Variants in LRP1B observed in about 807,000 individuals in gnomAD.
The protein encoded by LRP1B is low-density lipoprotein receptor-related protein 1B.
Under a neutral mutation model 556.6 loss-of-function variants are expected in LRP1B, and 217 were observed. The ratio of observed to expected loss-of-function variants is 0.39; its 90% CI spans 0.35 to 0.44. The LOEUF (loss-of-function observed/expected upper bound fraction) is 0.44, where lower values mean the gene tolerates loss of function less well. LRP1B is among the 20% of genes least tolerant of loss of function. The pLI is 1.00. For synonymous variants in LRP1B, 2,047 were observed against 1,865.8 expected, an observed-to-expected ratio of 1.10 and a Z score of -2.50; for missense variants, 5,053 against 5,620.8, an observed-to-expected ratio of 0.90 and a Z score of 3.23.
chr2:142,061,033 G>A (rs1292152036), intron 1 of LRP1B, among the ~76,000 whole-genome samples: 1 of 151,866 alleles, frequency 6.6e-6, no homozygotes, highest in Non-Finnish European at 1.5e-5. Flanking sequence ...TGAAAGCAGG[G>A]CTACTATCAA....
chr2:140,766,833 ATATATATATAT>A (rs1261533394), intron 35 of LRP1B, among the ~76,000 whole-genome samples: 1,108 of 31,692 alleles, frequency 0.035, 23 homozygotes, highest in East Asian at 0.097. Context: ...ATATATATAT[ATATATATATAT>A]TATATATATA....
intron 1 of LRP1B, among the ~76,000 whole-genome samples, chr2:141,828,976 G>A (rs547851027): frequency 1.3e-5 from 2 of 152,112 alleles, no homozygotes; most frequent in East Asian, 3.9e-4. Flanking sequence ...CCTTCCAGTT[G>A]CCTAACTGGG....
At chr2:141,345,279 A>G (rs1002673437) in intron 3 of LRP1B, among the ~76,000 whole-genome samples, 24 of 152,174 alleles carry the variant, frequency 1.6e-4, no homozygotes, top group African/African-American at 5.3e-4. Flanking sequence ...CAGAAATCCA[A>G]CTTCCATAAT....
chr2:141,273,331 G>A (rs1290253749), intron 3 of LRP1B, among the ~76,000 whole-genome samples: 6 of 151,322 alleles, frequency 4.0e-5, no homozygotes, highest in African/African-American at 2.4e-5. Context: ...GAAGAAAAAC[G>A]TACTACAAAT....
At chr2:140,706,110 T>C (rs370841717) in intron 37 of LRP1B, among the ~76,000 whole-genome samples, 6 of 152,090 alleles carry the variant, frequency 3.9e-5, no homozygotes, top group African/African-American at 1.4e-4. Context: ...TTAATGAACA[T>C]AGATTCTTGG....
At chr2:141,315,968 A>G (rs1352155498) in intron 3 of LRP1B, among the ~76,000 whole-genome samples, 1 of 73,084 alleles carries the variant, frequency 1.4e-5, no homozygotes, top group Non-Finnish European at 2.6e-5. Context: ...ATTTTTTTCT[A>G]TTTGTGACCA....
intron 66 of LRP1B, among the ~76,000 whole-genome samples, chr2:140,420,669 G>A (rs2105265027): frequency 6.6e-6 from 1 of 152,260 alleles, no homozygotes; most frequent in Admixed American, 6.5e-5. Context: ...ATACTTCTTA[G>A]CCATATAAAA....
In LRP1B at chr2:141,072,561, A is replaced by T. The variant is rs1180864972; in HGVS notation, c.1014-10288T>A. 2.0e-5 allele frequency among the ~76,000 whole-genome samples: 3 copies of T among 151,860 alleles called. No individual in the cohort carries two copies. In the East Asian group the frequency reaches 5.8e-4, roughly 30 times the overall value. ...TACCTGTCTTCCCAACCACACACAG[A>T]ATCTCACTCTTCCACTTGACTGTCT... On this transcript the variant is annotated intron_variant, in intron 7 of 90. Transcript: ENST00000389484.
chr2:141,532,147 G>T (rs1174776046), intron 2 of LRP1B, among the ~76,000 whole-genome samples: 1 of 152,088 alleles, frequency 6.6e-6, no homozygotes, highest in African/African-American at 2.4e-5. Context: ...GTTGGCATCT[G>T]AACATCCATT....
At chr2:141,252,290 T>C (rs1018995313) in intron 4 of LRP1B, among the ~76,000 whole-genome samples, 3 of 150,364 alleles carry the variant, frequency 2.0e-5, no homozygotes, top group Non-Finnish European at 4.4e-5. Context: ...TGTTTCAGAG[T>C]TGACTTCTGC....
intron 3 of LRP1B, among the ~76,000 whole-genome samples, chr2:141,392,567 C>T (rs913279024): frequency 4.6e-5 from 7 of 150,886 alleles, no homozygotes; most frequent in African/African-American, 1.7e-4. Flanking sequence ...TGATGTGTAA[C>T]TTCTGTGATT....
At chr2:141,784,665 T>A (rs1280821155) in intron 2 of LRP1B, among the ~76,000 whole-genome samples, 1 of 151,912 alleles carries the variant, frequency 6.6e-6, no homozygotes, top group Admixed American at 6.6e-5. Context: ...ATTGTTCAAT[T>A]TGTCACCCCT....
At chr2:140,778,298 T>C (rs540339876) in intron 32 of LRP1B, among the ~76,000 whole-genome samples, 23 of 152,314 alleles carry the variant, frequency 1.5e-4, no homozygotes, top group African/African-American at 5.5e-4. Flanking sequence ...ATTTAAAAGA[T>C]GTTTACTCAA....
At chr2:141,427,300 G>A (rs1163682880) in intron 3 of LRP1B, among the ~76,000 whole-genome samples, 1 of 152,024 alleles carries the variant, frequency 6.6e-6, no homozygotes, top group Non-Finnish European at 1.5e-5. Flanking sequence ...ATACATAAGG[G>A]TATTATACAA....
At chr2:141,964,188 C>T (rs1477297365) in intron 1 of LRP1B, among the ~76,000 whole-genome samples, 4 of 150,366 alleles carry the variant, frequency 2.7e-5, no homozygotes, top group Non-Finnish European at 6.0e-5. Context: ...TTTACAGATT[C>T]AATGCCATCC....
At chr2:142,002,318 A>T (rs1702678650) in intron 1 of LRP1B, among the ~76,000 whole-genome samples, 1 of 152,060 alleles carries the variant, frequency 6.6e-6, no homozygotes, top group Admixed American at 6.6e-5. Flanking sequence ...AAATTGGGAG[A>T]GTTTTACTTC....
chr2:141,030,174 A>G (rs1698327198), intron 11 of LRP1B, among the ~76,000 whole-genome samples: 2 of 152,154 alleles, frequency 1.3e-5, no homozygotes, highest in African/African-American at 4.8e-5. Flanking sequence ...TGTGGCTAGT[A>G]CAGTAGTAAA....
intron 66 of LRP1B, among the ~76,000 whole-genome samples, chr2:140,411,928 C>T (rs1453241010): frequency 6.6e-6 from 1 of 152,050 alleles, no homozygotes; most frequent in Non-Finnish European, 1.5e-5. Flanking sequence ...TATCAAGAAA[C>T]TTCTCAGGTA....
rs138676595 is a variant in LRP1B at position 141,781,314 on chromosome 2, T to C, written c.205+28965A>G. Among the ~76,000 whole-genome samples, 451 of 152,278 alleles carry C rather than the reference T, an allele frequency of 3.0e-3. 3 individuals are homozygous for C. The highest frequency in any genetic ancestry group is 0.01 in the African/African-American group (427 of 41,574). ...GCATGATGTTATAGTTAAAATGATGTCAAAATTATTAAACCCTAGTCGTGC... is the reference window on the plus strand; with the variant it reads ...GCATGATGTTATAGTTAAAATGATGCCAAAATTATTAAACCCTAGTCGTGC... On this transcript the variant is annotated intron_variant, in intron 2 of 90. Coordinates refer to ENST00000389484, the MANE Select transcript of LRP1B (RefSeq NM_018557.3).
Sources: allele counts gnomAD v4.1 joint callset (sites outside exome capture counted in the v4.1 genomes callset), GRCh38; gene constraint gnomAD v4.1.1; transcripts MANE v1.5; gene names NCBI Gene and HGNC (gene_info 2026-07-23, HGNC 2026-07-21).